The following DZIP3 variants were observed in gnomAD, a reference collection of about 807,000 sequenced individuals.
DZIP3 encodes DAZ interacting zinc finger protein 3.
DZIP3 carries 118 observed loss-of-function variants against 162.0 expected under a neutral mutation model. The ratio of observed to expected loss-of-function variants is 0.73; its 90% confidence interval spans 0.63 to 0.85. The LOEUF (loss-of-function observed/expected upper bound fraction) is 0.85, where lower values mean the gene tolerates loss of function less well. Ranked by LOEUF, DZIP3 falls within the 40% of genes least tolerant of loss-of-function variation. The pLI, the probability that DZIP3 is intolerant of heterozygous loss-of-function variation, is 0.00. For synonymous variants in DZIP3, 438 were observed against 458.6 expected (o/e 0.96, Z 0.57); for missense variants, 1,331 against 1,407.0 (o/e 0.95, Z 0.86).
At chr3:108,622,476 C>CT (rs1410536007) in intron 5 of DZIP3, among the ~76,000 whole-genome samples, 2 of 152,008 alleles carry the variant, frequency 1.3e-5, no homozygotes, top group Admixed American at 1.3e-4. Flanking sequence ...CAACTGGTGC[C>CT]TTTTTTGGTT....
intron 26 of DZIP3, 74 bp downstream of exon 26, chr3:108,677,672 A>T: frequency 7.8e-7 from 1 of 1,275,002 alleles, no homozygotes; most frequent in Non-Finnish European, 1.1e-6. Context: ...AACACTGAAT[A>T]TGCAGTATGT....
chr3:108,654,852 A>C (rs971704008), intron 19 of DZIP3, among the ~76,000 whole-genome samples: 11 of 152,164 alleles, frequency 7.2e-5, no homozygotes, highest in African/African-American at 2.7e-4. Context: ...AAATGAAATA[A>C]TTTTTTAAAA....
Position 108,611,318 on chromosome 3 carries a change from C to A in DZIP3, c.247C>A (p.Gln83Lys). The A allele has an allele frequency of 6.2e-7, 1 of 1,611,768 alleles. No individual in the cohort carries two copies. Among genetic ancestry groups the A allele is most frequent in the Non-Finnish European group, 8.5e-7 (1 of 1,179,142 alleles). ...GTTCTTACAAGAAGATTTTTCCTTCCAAACTATGCAGGTAACGTCATAAGT... is the reference window on the plus strand; with the variant it reads ...GTTCTTACAAGAAGATTTTTCCTTCAAAACTATGCAGGTAACGTCATAAGT... ...KKFLQEDFSF[Q>K]TMQREVAANS... is the part of the protein sequence containing the mutation. Residue 83 changes from glutamine (Q) to lysine (K), a missense_variant, in exon 4 of 33, where the codon CAA becomes AAA. Physicochemically the swap from Gln to Lys is moderately conservative, Grantham distance 53. Around this residue, in one of 2 missense-constraint regions of DZIP3, gnomAD observed 1,278 missense variants for 1,317.1 expected, o/e 0.97. Coordinates refer to ENST00000361582, the MANE Select transcript of DZIP3 (RefSeq NM_014648.4).
At position 108,637,519 on chromosome 3, in the gene DZIP3, A is replaced by C; in HGVS notation, c.1035A>C (p.Glu345Asp). The change falls in exon 12 of 33, where the codon GAA (glutamate) becomes GAC (aspartate). Residue 345 changes from glutamate (E) to aspartate (D), a missense_variant. Around this residue, in one of 2 missense-constraint regions of DZIP3, gnomAD observed 1,278 missense variants for 1,317.1 expected, o/e 0.97. Coordinates refer to ENST00000361582, the MANE Select transcript of DZIP3 (RefSeq NM_014648.4). ...AGTTTGAAGTTGTGAGAAAGGATGAATATATCACCATTGAAAATTTAGGAG... is the reference window on the plus strand; with the variant it reads ...AGTTTGAAGTTGTGAGAAAGGATGACTATATCACCATTGAAAATTTAGGAG... ...KILFEVVRKD[E>D]YITIENLGAS... The C allele has an allele frequency of 6.2e-7, 1 of 1,611,298 alleles. No individual in the cohort carries two copies. The highest frequency in any genetic ancestry group is 8.5e-7 in the Non-Finnish European group (1 of 1,178,956).
intron 21 of DZIP3, among the ~76,000 whole-genome samples, chr3:108,666,109 G>T (rs1943664741): frequency 1.3e-5 from 2 of 151,928 alleles, no homozygotes; most frequent in Admixed American, 6.6e-5. Flanking sequence ...GATGGTTGAA[G>T]CAAAAATTTT....
intron 12 of DZIP3, among the ~76,000 whole-genome samples, chr3:108,640,814 T>C (rs1942368861): frequency 6.6e-6 from 1 of 152,206 alleles, no homozygotes; most frequent in African/African-American, 2.4e-5. Flanking sequence ...ATATAGCTAC[T>C]CCAGCTTTCT....
At position 108,668,774 on chromosome 3, in the gene DZIP3, A is replaced by G. The variant is rs1489597100; in HGVS notation, c.2424-907A>G. Among the ~76,000 whole-genome samples the G allele has an allele frequency of 2.0e-5, 3 of 151,954 alleles. 1 individual carries two copies. The highest frequency in any genetic ancestry group is 2.0e-4 in the Admixed American group (3 of 15,238). Reference sequence around the variant, plus strand: ...TCTAAGAAGCTTAGAATAAAGGTGAATGGGTAGTCTCTGAAATCTGGTAGT... The same window carrying G: ...TCTAAGAAGCTTAGAATAAAGGTGAGTGGGTAGTCTCTGAAATCTGGTAGT... On this transcript the variant is annotated intron_variant, in intron 21 of 32. Transcript: ENST00000361582.
chr3:108,634,117 G>A (rs574761172), intron 9 of DZIP3, among the ~76,000 whole-genome samples: 2 of 152,172 alleles, frequency 1.3e-5, no homozygotes, highest in East Asian at 1.9e-4. Flanking sequence ...CAGCCAATCC[G>A]ATAGGTGGGA....
intron 25 of DZIP3, among the ~76,000 whole-genome samples, chr3:108,676,416 C>T (rs1000392946): frequency 3.9e-5 from 6 of 152,056 alleles, no homozygotes; most frequent in African/African-American, 1.4e-4. Context: ...TGTTTTCAAT[C>T]TAACTTTTTA....
chr3:108,654,579 G>C (rs1323953446), intron 19 of DZIP3, among the ~76,000 whole-genome samples: 1 of 151,880 alleles, frequency 6.6e-6, no homozygotes, highest in Non-Finnish European at 1.5e-5. Flanking sequence ...TGCATTTCTT[G>C]CAAACGTTTT....
At chr3:108,662,337 C>G (rs558153022) in intron 21 of DZIP3, 80 bp downstream of exon 21, 1 of 1,452,470 alleles carries the variant, frequency 6.9e-7, no homozygotes, top group Admixed American at 2.8e-5. Context: ...TGCATAACCA[C>G]TAGGTGGCAC....
intron 4 of DZIP3, among the ~76,000 whole-genome samples, chr3:108,615,388 G>A (rs1940950883): frequency 6.6e-6 from 1 of 152,128 alleles, no homozygotes; most frequent in African/African-American, 2.4e-5. Context: ...TGGAATGTAG[G>A]TGAAGTTCTT....
chr3:108,669,269 A>G (rs4635711), intron 21 of DZIP3, among the ~76,000 whole-genome samples: 54,539 of 151,636 alleles, frequency 0.36, 10,342 homozygotes, highest in East Asian at 0.53. Context: ...CATAATTTGC[A>G]TGACTTGATA....
chr3:108,644,143 C>A, intron 13 of DZIP3, 21 bp from the exon 14 acceptor site: 1 of 1,567,956 alleles, frequency 6.4e-7, no homozygotes, highest in Non-Finnish European at 8.6e-7. Context: ...AATGTCTTGA[C>A]TTCTCAAAAT....
At chr3:108,654,358 T>C in intron 19 of DZIP3, 48 bp downstream of exon 19, 1 of 1,604,216 alleles carries the variant, frequency 6.2e-7, no homozygotes, top group Non-Finnish European at 8.5e-7. Flanking sequence ...TGTTATCTGG[T>C]TTTTCCTGTG....
intron 23 of DZIP3, 148 bp from the exon 24 acceptor site, chr3:108,673,930 T>C: frequency 1.7e-6 from 1 of 585,196 alleles, no homozygotes; most frequent in Non-Finnish European, 3.0e-6. Flanking sequence ...TTAAAAGCTT[T>C]TGTAATGTAT....
In DZIP3 at chr3:108,605,402, G is replaced by T. The variant is rs1940286810; in HGVS notation, c.-5G>T. 1 of 1,613,578 alleles carries T rather than the reference G, an allele frequency of 6.2e-7. No homozygotes were observed. The highest frequency in any genetic ancestry group is 8.5e-7 in the Non-Finnish European group (1 of 1,179,734). Reference sequence around the variant, plus strand: ...TAAGATTTTTGTAAAGAAACCTTGTGCAGCATGGATTCTCTACCAGATGAA... The same window carrying T: ...TAAGATTTTTGTAAAGAAACCTTGTTCAGCATGGATTCTCTACCAGATGAA... On this transcript the variant is annotated 5_prime_UTR_variant, in exon 2 of 33. Transcript: ENST00000361582.
At chr3:108,640,800 A>G (rs1026960701) in intron 12 of DZIP3, among the ~76,000 whole-genome samples, 5 of 152,100 alleles carry the variant, frequency 3.3e-5, no homozygotes, top group African/African-American at 9.7e-5. Context: ...TTTGTCTGAT[A>G]TTAATATAGC....
At chr3:108,619,242 C>A (rs574699217) in intron 5 of DZIP3, among the ~76,000 whole-genome samples, 32 of 151,586 alleles carry the variant, frequency 2.1e-4, no homozygotes, top group Non-Finnish European at 1.0e-4. Context: ...GTCCAGGGTT[C>A]TCCAGAGAAA....
Sources: gnomAD v4.1 joint callset for allele counts (sites outside exome capture counted in the v4.1 genomes callset) on GRCh38, gnomAD v4.1.1 for gene constraint, gnomAD v4.1.1 regional missense constraint, MANE v1.5 for transcripts, NCBI Gene and HGNC (gene_info 2026-07-23, HGNC 2026-07-21) for gene names.